The following NOXRED1 variants were observed in gnomAD, a reference collection of about 807,000 sequenced individuals.
NOXRED1 encodes NADP-dependent oxidoreductase domain-containing protein 1.
A neutral mutation model predicts 30.4 loss-of-function variants in NOXRED1; 20 were observed. That is an observed-to-expected ratio of 0.66 (90% CI 0.46 to 0.96). NOXRED1 has a LOEUF of 0.96. NOXRED1 is among the 40% of genes least tolerant of loss of function. The pLI is 0.00. For synonymous variants in NOXRED1, 155 were observed against 168.0 expected (o/e 0.92, Z 0.60); for missense variants, 374 against 428.0 (o/e 0.87, Z 1.11).
At chr14:77,422,557 G>T (rs545895216) in intron 1 of NOXRED1, among the ~76,000 whole-genome samples, 178 bp downstream of exon 1, 13 of 152,194 alleles carry the variant, frequency 8.5e-5, no homozygotes, top group African/African-American at 3.1e-4. Flanking sequence ...ACAGCCAGGG[G>T]ACCCTGGTAT....
chr14:77,414,083 C>T lies in NOXRED1; in HGVS notation c.200G>A (p.Gly67Asp). ...KNQSSRHLSIGSLNSATPEEF... is the reference protein window; with the variant it reads ...KNQSSRHLSIDSLNSATPEEF... ...TTCAGGAGTGGCTGAATTAAGGGAG[C>T]CAATTGAGAGATGTCTGGAACTTTG... Residue 67 changes from glycine (G) to aspartate (D), a missense_variant, in exon 2 of 6, where the codon GGC becomes GAC. Transcript: ENST00000380835. 6.2e-7 allele frequency: 1 copy of T among 1,605,138 alleles called. No homozygotes were observed. The highest frequency in any genetic ancestry group is 1.1e-5 in the South Asian group (1 of 89,896).
In NOXRED1 at chr14:77,414,115, A is replaced by G. The variant is rs373733257; in HGVS notation, c.168T>C (p.Asn56=). 4.5e-5 allele frequency: 71 copies of G among 1,592,630 alleles called. No homozygotes were observed. In the Middle Eastern group the frequency reaches 6.7e-4, roughly 15 times the overall value. The change falls in exon 2 of 6, where the codon AAT becomes AAC. Residue 56 remains asparagine, a synonymous_variant. Transcript: ENST00000380835. ...AGAGATGTCTGGAACTTTGATTCTT[A>G]TTTAATGATGCTCTGGAGAATGAAC... ...KLLYNLRASL[N]KNQSSRHLSI...
At chr14:77,415,619 T>C (rs554293130) in intron 1 of NOXRED1, among the ~76,000 whole-genome samples, 11 of 147,170 alleles carry the variant, frequency 7.5e-5, no homozygotes, top group Admixed American at 2.8e-4. Flanking sequence ...GATAGATAGA[T>C]AGATAGATAG....
At chr14:77,418,694 T>G (rs1378463391) in intron 1 of NOXRED1, among the ~76,000 whole-genome samples, 1 of 151,416 alleles carries the variant, frequency 6.6e-6, no homozygotes, top group Non-Finnish European at 1.5e-5. Flanking sequence ...TATGCCCAGC[T>G]AATTGTTTTT....
At chr14:77,412,408 G>A (rs1174895260) in intron 2 of NOXRED1, among the ~76,000 whole-genome samples, 1 of 152,172 alleles carries the variant, frequency 6.6e-6, no homozygotes, top group Non-Finnish European at 1.5e-5. Context: ...CCAAACACCA[G>A]GTACAGCAAG....
intron 2 of NOXRED1, among the ~76,000 whole-genome samples, chr14:77,412,506 A>G (rs1397149858): frequency 3.9e-5 from 6 of 152,034 alleles, no homozygotes; most frequent in African/African-American, 7.2e-5. Context: ...GCTTAACATC[A>G]TTATTTCTTA....
At chr14:77,422,330 T>C (rs1490259496) in intron 1 of NOXRED1, among the ~76,000 whole-genome samples, 1 of 152,176 alleles carries the variant, frequency 6.6e-6, no homozygotes, top group Non-Finnish European at 1.5e-5. Context: ...CCGGGTAGCT[T>C]CCTGTAAGGG....
chr14:77,406,789 T>G lies in NOXRED1; in HGVS notation c.617A>C (p.Lys206Thr), dbSNP rs767316115. Residue 206 changes from lysine to threonine, a missense_variant, in exon 4 of 6, where the codon AAG (lysine) becomes ACG (threonine). Transcript: ENST00000380835. ...ATCTTGGAGAGCAGCTATGACTCCC[T>G]TATTGGCCCCCCAGACGCTGACAGA... ...EDSVSVWGAN[K>T]GVIAALQDPT... is the part of the protein sequence containing the mutation. 2 of 1,614,012 alleles carry G rather than the reference T, an allele frequency of 1.2e-6. No homozygotes were observed.
At chr14:77,406,418 G>A in intron 4 of NOXRED1, 1 of 592,832 alleles carries the variant, frequency 1.7e-6, no homozygotes, top group South Asian at 2.1e-5. Context: ...TATGGAGAAG[G>A]AACTGGGGAA....
At chr14:77,403,976 G>C (rs183171028) in intron 5 of NOXRED1, among the ~76,000 whole-genome samples, 1 of 152,098 alleles carries the variant, frequency 6.6e-6, no homozygotes, top group African/African-American at 2.4e-5. Flanking sequence ...GGCACGTTCA[G>C]GGTGGTATGG....
intron 2 of NOXRED1, among the ~76,000 whole-genome samples, chr14:77,410,703 A>G (rs1435428615): frequency 1.3e-5 from 2 of 152,158 alleles, no homozygotes; most frequent in Non-Finnish European, 2.9e-5. Context: ...GGTCAGAAGC[A>G]CCTCAGAAAA....
chr14:77,406,142 A>C lies in NOXRED1; in HGVS notation c.683-7T>G, dbSNP rs553696961. On this transcript the variant is annotated splice_region_variant and splice_polypyrimidine_tract_variant and intron_variant, in intron 4 of 5. Transcript: ENST00000380835. ...ATATTGAGGATTATTCCCCCTACAC[A>C]TCAATGAGAAGGTAAATACCAGTTA... 3.1e-4 allele frequency: 500 copies of C among 1,593,766 alleles called. 1 individual carries two copies. The Middle Eastern group carries it at 3.7e-3, about 12-fold the overall frequency.
rs372172917 is a variant in NOXRED1, at chr14:77,419,824, C to T, written c.155+2911G>A. Among the ~76,000 whole-genome samples the T allele has an allele frequency of 1.1e-4, 17 of 152,190 alleles. No homozygotes were observed. The South Asian group carries it at 2.7e-3, about 24-fold the overall frequency. On this transcript the variant is annotated intron_variant, in intron 1 of 5. Coordinates refer to ENST00000380835, the MANE Select transcript of NOXRED1 (RefSeq NM_001113475.3). ...TCCCTTCTGGCCTGTAATGTTTCTG[C>T]TGAGAAGCCACCAATAGTCTTCTGG...
At chr14:77,397,958 T>G (rs80232168) in intron 5 of NOXRED1, among the ~76,000 whole-genome samples, 2,946 of 151,842 alleles carry the variant, frequency 0.019, 89 homozygotes, top group African/African-American at 0.067. Context: ...CACTCTATCC[T>G]AACAATAATT....
At chr14:77,408,892 A>ATTGTTTTTTTTTTTTTT (rs1894556100) in intron 2 of NOXRED1, among the ~76,000 whole-genome samples, 1 of 68,154 alleles carries the variant, frequency 1.5e-5, no homozygotes. Context: ...CTGGTAGTTA[A>ATTGTTTTTTTTTTTTTT]TTTTTTTTTT....
intron 5 of NOXRED1, among the ~76,000 whole-genome samples, chr14:77,396,226 T>C (rs1265829594): frequency 1.3e-5 from 2 of 151,668 alleles, no homozygotes; most frequent in African/African-American, 4.8e-5. Context: ...CATTATTATC[T>C]ATGTAGAAAA....
chr14:77,424,198 C>T (rs993511604), upstream of NOXRED1, among the ~76,000 whole-genome samples: 3 of 152,220 alleles, frequency 2.0e-5, no homozygotes, highest in East Asian at 1.9e-4. Flanking sequence ...CGCCTGTAAT[C>T]GCAGCACTTT....
In NOXRED1 at chr14:77,398,489, C is replaced by T. The variant is rs566469940; in HGVS notation, c.906-3684G>A. On this transcript the variant is annotated intron_variant, in intron 5 of 5. Transcript: ENST00000380835. ...AGTTCCAGTCAGGTCTACCCTTCCACGTGGAAGGAGGAATGGGCTCCTCAA... is the reference window on the plus strand; with the variant it reads ...AGTTCCAGTCAGGTCTACCCTTCCATGTGGAAGGAGGAATGGGCTCCTCAA... Among the ~76,000 whole-genome samples, 15 of 152,244 alleles carry T rather than the reference C, an allele frequency of 9.9e-5. No homozygotes were observed. The South Asian group carries it at 2.9e-3, about 30-fold the overall frequency.
chr14:77,413,516 C>T (rs1162224192), intron 2 of NOXRED1, among the ~76,000 whole-genome samples: 2 of 152,098 alleles, frequency 1.3e-5, no homozygotes, highest in Non-Finnish European at 1.5e-5. Context: ...TGATTACAGG[C>T]GTGAGCCACC....
Sources: allele counts gnomAD v4.1 joint callset (sites outside exome capture counted in the v4.1 genomes callset), GRCh38; gene constraint gnomAD v4.1.1; transcripts MANE v1.5; gene names NCBI Gene and HGNC (gene_info 2026-07-23, HGNC 2026-07-21).